The following SPON1 variants were observed in gnomAD, a reference collection of about 807,000 sequenced individuals.
The protein encoded by SPON1 is spondin 1.
A neutral mutation model predicts 111.7 loss-of-function variants in SPON1; 52 were observed. That is an observed-to-expected ratio of 0.47 (90% CI 0.37 to 0.59). The LOEUF is 0.59. SPON1 is among the 20% of genes least tolerant of loss of function. SPON1 has a pLI of 0.00. For synonymous variants in SPON1, 410 were observed against 395.8 expected, an observed-to-expected ratio of 1.04 and a Z score of -0.43; for missense variants, 957 against 1,068.5, an observed-to-expected ratio of 0.90 and a Z score of 1.46.
chr11:14,102,215 C>T lies in SPON1; in HGVS notation c.676+22194C>T, dbSNP rs533883155. 1.0e-3 allele frequency among the ~76,000 whole-genome samples: 158 copies of T among 152,230 alleles called. 1 individual carries two copies. Among genetic ancestry groups the T allele is most frequent in the African/African-American group, 3.5e-3 (147 of 41,548 alleles). On this transcript the variant is annotated intron_variant, in intron 5 of 15. Transcript: ENST00000576479. ...ATTATACCTCTCATGTTCTCCAAAG[C>T]AATACTGTATCATATCACTATAATG...
At chr11:14,160,691 T>A (rs868976167) in intron 6 of SPON1, among the ~76,000 whole-genome samples, 3 of 11,546 alleles carry the variant, frequency 2.6e-4, no homozygotes, top group African/African-American at 2.3e-3. Flanking sequence ...ATATATATAT[T>A]TATATATTTA....
At chr11:14,245,323 C>G (rs1439474388) in intron 7 of SPON1, among the ~76,000 whole-genome samples, 1 of 152,170 alleles carries the variant, frequency 6.6e-6, no homozygotes, top group African/African-American at 2.4e-5. Flanking sequence ...GTGCGCCAGC[C>G]CTGCACATGC....
intron 2 of SPON1, among the ~76,000 whole-genome samples, chr11:14,000,952 G>A (rs1212478563): frequency 6.6e-6 from 1 of 152,124 alleles, no homozygotes; most frequent in East Asian, 1.9e-4. Context: ...TCGAAGAGTT[G>A]TATAAGAACT....
chr11:14,178,868 G>A (rs1848208859), intron 6 of SPON1, among the ~76,000 whole-genome samples: 1 of 152,160 alleles, frequency 6.6e-6, no homozygotes, highest in Admixed American at 6.5e-5. Context: ...AGCTGCTGCA[G>A]CAGACACCTT....
intron 11 of SPON1, among the ~76,000 whole-genome samples, chr11:14,258,636 A>C (rs868992316): frequency 7.9e-5 from 12 of 152,354 alleles, no homozygotes; most frequent in Middle Eastern, 6.8e-3. Context: ...GAGGATAAAG[A>C]AAGCAAGCTT....
At chr11:14,082,432 A>T (rs527531403) in intron 5 of SPON1, among the ~76,000 whole-genome samples, 47 of 152,298 alleles carry the variant, frequency 3.1e-4, no homozygotes, top group East Asian at 1.9e-3. Flanking sequence ...TTATTTTTTT[A>T]AAAGTCTTTC....
intron 6 of SPON1, among the ~76,000 whole-genome samples, chr11:14,139,025 A>T (rs1334173567): frequency 6.6e-6 from 1 of 152,080 alleles, no homozygotes; most frequent in Non-Finnish European, 1.5e-5. Context: ...TAAAAAACAA[A>T]TCAGATCATG....
chr11:14,213,939 A>G (rs782377657), intron 6 of SPON1, among the ~76,000 whole-genome samples: 9 of 152,188 alleles, frequency 5.9e-5, no homozygotes, highest in Non-Finnish European at 1.0e-4. Context: ...ACAAGCAACT[A>G]TTCTAAGCTA....
intron 2 of SPON1, among the ~76,000 whole-genome samples, chr11:14,007,154 C>T (rs566234908): frequency 1.3e-5 from 2 of 152,306 alleles, no homozygotes; most frequent in South Asian, 4.1e-4. Flanking sequence ...GAGTACACAA[C>T]CTAGATCCCT....
chr11:14,224,993 G>A (rs1238435799), intron 6 of SPON1, among the ~76,000 whole-genome samples: 2 of 152,186 alleles, frequency 1.3e-5, no homozygotes, highest in Non-Finnish European at 2.9e-5. Flanking sequence ...AATAGACATG[G>A]CACGGATGGA....
chr11:14,242,837 G>A (rs1347905530), intron 6 of SPON1, among the ~76,000 whole-genome samples: 5 of 152,208 alleles, frequency 3.3e-5, no homozygotes, highest in Non-Finnish European at 2.9e-5. Context: ...TGGCCTCCTC[G>A]TCCAAGGGAG....
intron 3 of SPON1, among the ~76,000 whole-genome samples, chr11:14,062,196 T>G (rs1266099783): frequency 6.6e-6 from 1 of 152,148 alleles, no homozygotes; most frequent in Non-Finnish European, 1.5e-5. Flanking sequence ...GCAGGCCGGT[T>G]CACATCATTC....
chr11:14,037,786 T>C (rs59576658), intron 2 of SPON1, among the ~76,000 whole-genome samples: 5,643 of 152,284 alleles, frequency 0.037, 353 homozygotes, highest in African/African-American at 0.13. Flanking sequence ...GTCAAGAGAA[T>C]GAGAAGACAA....
chr11:14,190,349 C>T (rs550363609), intron 6 of SPON1, among the ~76,000 whole-genome samples: 4 of 152,330 alleles, frequency 2.6e-5, no homozygotes, highest in African/African-American at 9.6e-5. Flanking sequence ...ACAATAATCA[C>T]TATTTCAAAT....
At chr11:14,124,144 A>C (rs1847429731) in intron 5 of SPON1, among the ~76,000 whole-genome samples, 1 of 152,116 alleles carries the variant, frequency 6.6e-6, no homozygotes, top group South Asian at 2.1e-4. Context: ...TGCCTGGCTG[A>C]CTGATCTCAT....
At chr11:14,177,670 C>T (rs1848193103) in intron 6 of SPON1, among the ~76,000 whole-genome samples, 2 of 152,302 alleles carry the variant, frequency 1.3e-5, no homozygotes, top group South Asian at 4.1e-4. Flanking sequence ...TAGTCCCTGG[C>T]CGTCCCCATA....
At chr11:14,215,972 A>G (rs189900850) in intron 6 of SPON1, among the ~76,000 whole-genome samples, 7 of 152,302 alleles carry the variant, frequency 4.6e-5, no homozygotes, top group Admixed American at 2.0e-4. Context: ...TTTGCATCAC[A>G]TTGGCTAAAT....
At chr11:14,170,875 G>A (rs562802995) in intron 6 of SPON1, among the ~76,000 whole-genome samples, 26 of 152,242 alleles carry the variant, frequency 1.7e-4, no homozygotes, top group African/African-American at 5.8e-4. Flanking sequence ...GCTTTTTGAT[G>A]TGCTGCTGGA....
intron 6 of SPON1, among the ~76,000 whole-genome samples, chr11:14,198,859 T>C (rs7482398): frequency 1.9e-4 from 29 of 152,254 alleles, no homozygotes; most frequent in African/African-American, 6.8e-4. Context: ...TTGTAAAGCT[T>C]AAGCTTAGAA....
Sources: gnomAD v4.1 joint callset for allele counts (sites outside exome capture counted in the v4.1 genomes callset) on GRCh38, gnomAD v4.1.1 for gene constraint, MANE v1.5 for transcripts, NCBI Gene and HGNC (gene_info 2026-07-23, HGNC 2026-07-21) for gene names.